Variants in RGS5 observed in about 807,000 individuals in gnomAD.
The protein encoded by RGS5 is regulator of G-protein signalling 5.
In RGS5, 20 loss-of-function variants were observed where a neutral mutation model predicts 18.9. The ratio of observed to expected loss-of-function variants is 1.06; its 90% confidence interval spans 0.74 to 1.54. The LOEUF (loss-of-function observed/expected upper bound fraction) is 1.54. Among genes scored for constraint, RGS5 ranks in the 40% most tolerant of loss-of-function variants. RGS5 has a pLI of 0.00. For missense variants in RGS5, 201 were observed against 211.8 expected (o/e 0.95, Z 0.32); for synonymous variants, 57 against 76.2 (o/e 0.75, Z 1.31).
At chr1:163,156,554 G>T (rs1657588745) in intron 3 of RGS5, among the ~76,000 whole-genome samples, 1 of 151,908 alleles carries the variant, frequency 6.6e-6, no homozygotes, top group South Asian at 2.1e-4. Context: ...TTTCCATTAG[G>T]CTGTTAATTC....
At chr1:163,256,045 T>C (rs1648262958) in intron 2 of RGS5, among the ~76,000 whole-genome samples, 2 of 152,062 alleles carry the variant, frequency 1.3e-5, no homozygotes, top group Non-Finnish European at 2.9e-5. Flanking sequence ...CTTTGAAAAC[T>C]GGTACAAGAC....
intron 1 of RGS5, among the ~76,000 whole-genome samples, chr1:163,208,041 T>C (rs1166518001): frequency 6.6e-6 from 1 of 152,046 alleles, no homozygotes; most frequent in African/African-American, 2.4e-5. Flanking sequence ...TAAATGTAAA[T>C]GTGCATAAAT....
intron 4 of RGS5, among the ~76,000 whole-genome samples, chr1:163,148,163 G>A (rs1047951423): frequency 6.6e-6 from 1 of 152,050 alleles, no homozygotes; most frequent in Non-Finnish European, 1.5e-5. Flanking sequence ...CTGACCTCAG[G>A]TGATCTGCCT....
At chr1:163,312,157 G>C (rs1427888362) in intron 1 of RGS5, among the ~76,000 whole-genome samples, 1 of 152,140 alleles carries the variant, frequency 6.6e-6, no homozygotes, top group East Asian at 1.9e-4. Context: ...AGATCTGATG[G>C]TTTTATAAGG....
chr1:163,144,465 A>ATC lies in RGS5; in HGVS notation c.*2876_*2877insGA, dbSNP rs1657050970. On this transcript the variant is annotated 3_prime_UTR_variant, in exon 5 of 5. Coordinates refer to ENST00000313961, the MANE Select transcript of RGS5 (RefSeq NM_003617.4). ...CTTAGGTTTTTTTCTCAAGAGTGAGAACCATATTCTCCTATTTCCATTGAC... is the reference window on the plus strand; with the variant it reads ...CTTAGGTTTTTTTCTCAAGAGTGAGATCACCATATTCTCCTATTTCCATTGAC... 6.6e-6 allele frequency: 1 copy of ATC among 152,390 alleles called. No homozygotes were observed. Among genetic ancestry groups the ATC allele is most frequent in the Non-Finnish European group, 1.5e-5 (1 of 68,028 alleles). The allele number at this position is 152,390 out of a possible 1,614,324, so 9.4% of individuals were successfully genotyped here.
At chr1:163,298,838 C>G (rs1299386237) in intron 2 of RGS5, among the ~76,000 whole-genome samples, 1 of 152,086 alleles carries the variant, frequency 6.6e-6, no homozygotes, top group African/African-American at 2.4e-5. Flanking sequence ...AAATAATTAG[C>G]ATACCAAAAT....
At chr1:163,256,594 G>A (rs1018806591) in intron 2 of RGS5, among the ~76,000 whole-genome samples, 2 of 152,146 alleles carry the variant, frequency 1.3e-5, no homozygotes, top group African/African-American at 4.8e-5. Flanking sequence ...TTGCTTAAAA[G>A]GAACTTCACA....
intron 1 of RGS5, among the ~76,000 whole-genome samples, chr1:163,310,194 C>G (rs2101648829): frequency 6.6e-6 from 1 of 152,260 alleles, no homozygotes; most frequent in Middle Eastern, 3.4e-3. Context: ...GAGCACTGGC[C>G]TCAACTTAAA....
chr1:163,275,364 G>T (rs140466130), intron 2 of RGS5, among the ~76,000 whole-genome samples: 3 of 152,270 alleles, frequency 2.0e-5, no homozygotes, highest in African/African-American at 7.2e-5. Context: ...TGGCAAATCT[G>T]CTAGTCCATT....
intron 1 of RGS5, among the ~76,000 whole-genome samples, chr1:163,172,925 C>T (rs1273940167): frequency 2.0e-5 from 3 of 152,136 alleles, no homozygotes; most frequent in Non-Finnish European, 2.9e-5. Flanking sequence ...TTTCATCCCC[C>T]GTTTCCCTTT....
intron 2 of RGS5, among the ~76,000 whole-genome samples, chr1:163,162,322 G>T (rs1389768073): frequency 6.6e-6 from 1 of 152,088 alleles, no homozygotes. Flanking sequence ...ATAACTTCAT[G>T]AAATCCAGTT....
At position 163,142,807 on chromosome 1, in the gene RGS5, G is replaced by T. The variant is rs1172110571; in HGVS notation, c.*4535C>A. 6.6e-6 allele frequency: 1 copy of T among 152,088 alleles called. No individual in the cohort carries two copies. The highest frequency in any genetic ancestry group is 2.4e-5 in the African/African-American group (1 of 41,410). The allele number at this position is 152,088 out of a possible 1,614,324, so 9.4% of individuals were successfully genotyped here. On this transcript the variant is annotated 3_prime_UTR_variant, in exon 5 of 5. Coordinates refer to ENST00000313961, the MANE Select transcript of RGS5 (RefSeq NM_003617.4). ...AGGGAGAAGAGGAAGGGAGGAACAG[G>T]GGCAAGGTGGGGAGGAAAAAAATAC... is the stretch of plus-strand genomic sequence containing the variant.
At chr1:163,267,824 C>T (rs895829923) in intron 2 of RGS5, among the ~76,000 whole-genome samples, 4 of 151,990 alleles carry the variant, frequency 2.6e-5, no homozygotes, top group Non-Finnish European at 4.4e-5. Flanking sequence ...GAAAAGAATA[C>T]TTCTTAAGTT....
At chr1:163,320,472 C>G (rs116793984) in intron 1 of RGS5, among the ~76,000 whole-genome samples, 309 of 152,234 alleles carry the variant, frequency 2.0e-3, no homozygotes, top group Non-Finnish European at 3.9e-3. Context: ...ATGGTGTGAT[C>G]AGGGATTTCA....
At chr1:163,202,682 C>G in intron 1 of RGS5, 110 bp downstream of exon 1, 1 of 855,926 alleles carries the variant, frequency 1.2e-6, no homozygotes, top group Non-Finnish European at 1.9e-6. Flanking sequence ...GCACCTGTTT[C>G]ACCTCAGCTT....
At chr1:163,320,163 C>T (rs1571363537) in intron 1 of RGS5, among the ~76,000 whole-genome samples, 1 of 152,142 alleles carries the variant, frequency 6.6e-6, no homozygotes, top group Non-Finnish European at 1.5e-5. Context: ...TTGGCTTTCA[C>T]ATAAATCGCT....
intron 2 of RGS5, among the ~76,000 whole-genome samples, chr1:163,255,920 C>T (rs1009979785): frequency 6.6e-6 from 1 of 152,070 alleles, no homozygotes. Context: ...ACCCTTCATG[C>T]TAAAAACTCT....
chr1:163,217,465 T>C, intron 1 of RGS5: 2 of 1,456,640 alleles, frequency 1.4e-6, no homozygotes, highest in South Asian at 2.9e-5. Flanking sequence ...CTATGCACAG[T>C]CTTTCCTGTA....
intron 2 of RGS5, among the ~76,000 whole-genome samples, chr1:163,270,352 G>GA (rs59181379): frequency 0.19 from 17,785 of 94,500 alleles, 1,820 homozygotes; most frequent in South Asian, 0.27. Flanking sequence ...TCTCTATTGA[G>GA]AAAAAAAAAA....
Sources: gnomAD v4.1 joint callset for allele counts (sites outside exome capture counted in the v4.1 genomes callset) on GRCh38, gnomAD v4.1.1 for gene constraint, MANE v1.5 for transcripts, NCBI Gene and HGNC (gene_info 2026-07-23, HGNC 2026-07-21) for gene names.